Variants in EIF4E observed in about 807,000 individuals in gnomAD.
EIF4E encodes eukaryotic translation initiation factor 4E, also known as eIF-4F 25 kDa subunit.
For missense variants in EIF4E, 113 were observed against 265.6 expected (o/e 0.43, Z 3.99); for synonymous variants, 71 against 88.5 (o/e 0.80, Z 1.11).
At chr4:98,884,839 T>C in intron 6 of EIF4E, 83 bp downstream of exon 6, 2 of 1,550,276 alleles carry the variant, frequency 1.3e-6, no homozygotes, top group South Asian at 1.2e-5. Context: ...CAAACTGAAG[T>C]ATTTCTAAAG....
chr4:98,892,418 C>G (rs1724187277), intron 2 of EIF4E, among the ~76,000 whole-genome samples: 1 of 150,936 alleles, frequency 6.6e-6, no homozygotes, highest in Non-Finnish European at 1.5e-5. Flanking sequence ...GTGGCTCAAG[C>G]CTGTAATCTC....
At chr4:98,906,466 T>A (rs1724877526) in intron 1 of EIF4E, among the ~76,000 whole-genome samples, 1 of 152,218 alleles carries the variant, frequency 6.6e-6, no homozygotes, top group South Asian at 2.1e-4. Flanking sequence ...CAGGCTTACA[T>A]ATTGTATGCA....
rs1190054808 is a variant in EIF4E, at chr4:98,911,647, G to C, written c.19-9665C>G. On this transcript the variant is annotated intron_variant, in intron 1 of 6. Coordinates refer to ENST00000450253, the MANE Select transcript of EIF4E (RefSeq NM_001968.5). The stretch of plus-strand genomic sequence containing the variant: ...CTGCACTCCAGCCTGGGCAACAAGA[G>C]CGAAACTCTGTCTCAAAAAAAAAAA... 1.4e-4 allele frequency among the ~76,000 whole-genome samples: 15 copies of C among 107,868 alleles called. No individual in the cohort carries two copies. In the Admixed American group the frequency reaches 1.7e-3, roughly 12 times the overall value. The allele number at this position is 107,868 out of a possible 152,430, so 70.8% of individuals were successfully genotyped here. A position where few individuals can be genotyped will look rare whatever the true frequency, so the allele number is the denominator to read the frequency against.
intron 5 of EIF4E, among the ~76,000 whole-genome samples, chr4:98,886,014 G>A (rs1723901778): frequency 6.6e-6 from 1 of 152,118 alleles, no homozygotes; most frequent in African/African-American, 2.4e-5. Context: ...TTAGCTGGCT[G>A]TGCTGGCATG....
At chr4:98,896,486 C>CCAAAAAAA (rs1230959200) in intron 2 of EIF4E, among the ~76,000 whole-genome samples, 1 of 39,024 alleles carries the variant, frequency 2.6e-5, no homozygotes, top group African/African-American at 1.2e-4. Context: ...CCGCATCTCT[C>CCAAAAAAA]AAAAAAAAAA....
chr4:98,896,150 C>G (rs145615497), intron 2 of EIF4E, among the ~76,000 whole-genome samples: 3 of 149,944 alleles, frequency 2.0e-5, no homozygotes, highest in African/African-American at 7.6e-5. Flanking sequence ...GAGCCGAGAT[C>G]GCACCACTGC....
intron 3 of EIF4E, among the ~76,000 whole-genome samples, chr4:98,888,321 A>AAAAAAC (rs72317665): frequency 3.9e-5 from 6 of 152,004 alleles, no homozygotes; most frequent in African/African-American, 9.7e-5. Context: ...CACAAACATA[A>AAAAAAC]AAAAACAAAA....
intron 1 of EIF4E, among the ~76,000 whole-genome samples, chr4:98,911,145 G>A (rs1392555522): frequency 6.6e-6 from 1 of 151,712 alleles, no homozygotes; most frequent in Non-Finnish European, 1.5e-5. Flanking sequence ...CATCTCCTGG[G>A]TTCAAGCAGT....
At chr4:98,891,470 T>A (rs976180821) in intron 2 of EIF4E, 138 bp from the exon 3 acceptor site, 1 of 712,298 alleles carries the variant, frequency 1.4e-6, no homozygotes, top group Non-Finnish European at 2.4e-6. Flanking sequence ...ATACACACAA[T>A]GGAATACTAA....
intron 1 of EIF4E, among the ~76,000 whole-genome samples, chr4:98,906,993 A>G (rs144627090): frequency 6.6e-6 from 1 of 152,338 alleles, no homozygotes; most frequent in African/African-American, 2.4e-5. Flanking sequence ...GGGAAATGCA[A>G]AATAAGGGTT....
intron 2 of EIF4E, among the ~76,000 whole-genome samples, chr4:98,896,667 C>CAAAA (rs61329973): frequency 6.3e-5 from 3 of 47,680 alleles, no homozygotes; most frequent in Non-Finnish European, 1.2e-4. Context: ...ATGTCTCTTC[C>CAAAA]AAAAAAAAAA....
At chr4:98,897,680 T>C (rs947714768) in intron 2 of EIF4E, among the ~76,000 whole-genome samples, 1 of 152,224 alleles carries the variant, frequency 6.6e-6, no homozygotes, top group African/African-American at 2.4e-5. Flanking sequence ...TCCACTACTG[T>C]AAAACAAAAT....
At chr4:98,901,408 A>G (rs1489683965) in intron 2 of EIF4E, among the ~76,000 whole-genome samples, 2 of 152,090 alleles carry the variant, frequency 1.3e-5, no homozygotes, top group Non-Finnish European at 2.9e-5. Flanking sequence ...CATGTTGGCC[A>G]GGTTGGTCTC....
chr4:98,929,026 G>A (rs767473688), intron 1 of EIF4E, 69 bp downstream of exon 1: 13 of 1,567,742 alleles, frequency 8.3e-6, no homozygotes, highest in South Asian at 1.2e-5. Flanking sequence ...CCGTCCCGCG[G>A]AGTCCCCCAG....
intron 1 of EIF4E, among the ~76,000 whole-genome samples, chr4:98,922,914 A>G (rs1469676536): frequency 6.7e-6 from 1 of 149,536 alleles, no homozygotes; most frequent in Non-Finnish European, 1.5e-5. Context: ...GATGGCAGAC[A>G]TAGGCTCACC....
chr4:98,901,093 A>G (rs560488122), intron 2 of EIF4E, among the ~76,000 whole-genome samples: 5 of 152,290 alleles, frequency 3.3e-5, no homozygotes, highest in Non-Finnish European at 5.9e-5. Flanking sequence ...GTTCAATCCA[A>G]TGGATATTTT....
intron 3 of EIF4E, among the ~76,000 whole-genome samples, chr4:98,889,031 C>T (rs929720751): frequency 4.0e-5 from 6 of 151,884 alleles, no homozygotes; most frequent in Non-Finnish European, 8.8e-5. Flanking sequence ...TGGTGGCATG[C>T]GCCTGTAATC....
At chr4:98,894,158 T>C (rs1481911171) in intron 2 of EIF4E, among the ~76,000 whole-genome samples, 1 of 152,258 alleles carries the variant, frequency 6.6e-6, no homozygotes, top group African/African-American at 2.4e-5. Flanking sequence ...CCAGGCTTTG[T>C]TGCTCCATTT....
At position 98,887,263 on chromosome 4, in the gene EIF4E, A is replaced by T; in HGVS notation, c.286-71T>A. On this transcript the variant is annotated intron_variant, in intron 4 of 6. Transcript: ENST00000450253. The surrounding 1 kb of genome is among the most constrained non-coding windows in gnomAD (Gnocchi z 4.0). Reference sequence around the variant, plus strand: ...ACTTTGAGAGATAATCATTAGAAACAGTTAAGCAACAACACTGTCAACTTC... The same window carrying T: ...ACTTTGAGAGATAATCATTAGAAACTGTTAAGCAACAACACTGTCAACTTC... The T allele has an allele frequency of 6.7e-7, 1 of 1,482,258 alleles. No individual in the cohort carries two copies. The highest frequency in any genetic ancestry group is 9.4e-7 in the Non-Finnish European group (1 of 1,061,642). The allele number at this position is 1,482,258 out of a possible 1,614,324, so 91.8% of individuals were successfully genotyped here. A position where few individuals can be genotyped will look rare whatever the true frequency, so the allele number is the denominator to read the frequency against.
Sources: gnomAD v4.1 joint callset for allele counts (sites outside exome capture counted in the v4.1 genomes callset) on GRCh38, gnomAD v4.1.1 for gene constraint, Gnocchi (gnomAD v3.1) non-coding constraint, MANE v1.5 for transcripts, NCBI Gene and HGNC (gene_info 2026-07-23, HGNC 2026-07-21) for gene names.